Variants in RTCB observed in about 807,000 individuals in gnomAD.
RTCB encodes RNA-splicing ligase RTCB.
Under a neutral mutation model 58.2 loss-of-function variants are expected in RTCB, and 32 were observed. The ratio of observed to expected loss-of-function variants is 0.55; its 90% confidence interval spans 0.41 to 0.74. The LOEUF (loss-of-function observed/expected upper bound fraction) is 0.74, where lower values mean the gene tolerates loss of function less well. Ranked by LOEUF, RTCB falls within the 30% of genes least tolerant of loss-of-function variation. RTCB has a pLI of 0.00. For synonymous variants in RTCB, 247 were observed against 218.6 expected, an observed-to-expected ratio of 1.13 and a Z score of -1.15; for missense variants, 523 against 639.0, an observed-to-expected ratio of 0.82 and a Z score of 1.96.
chr22:32,405,701 T>A (rs1229156419), intron 4 of RTCB, among the ~76,000 whole-genome samples: 1 of 152,212 alleles, frequency 6.6e-6, no homozygotes, highest in East Asian at 1.9e-4. Context: ...CAAACAGATT[T>A]AAGAAAAAAT....
intron 9 of RTCB, 126 bp from the exon 10 acceptor site, chr22:32,394,128 TGAGA>T: frequency 1.7e-6 from 1 of 593,582 alleles, no homozygotes; most frequent in African/African-American, 2.0e-5. Flanking sequence ...TTTTTTTTTT[TGAGA>T]TGGGAGTCTT....
intron 5 of RTCB, among the ~76,000 whole-genome samples, chr22:32,400,892 C>T (rs538831690): frequency 5.5e-4 from 84 of 152,176 alleles, no homozygotes; most frequent in African/African-American, 1.8e-3. Context: ...AGCTATGACA[C>T]GGTAAAATCT....
chr22:32,406,400 G>A (rs906496967), intron 4 of RTCB, among the ~76,000 whole-genome samples: 2 of 151,994 alleles, frequency 1.3e-5, no homozygotes, highest in African/African-American at 4.8e-5. Context: ...TCGGCTCACT[G>A]CAACCTCCGC....
intron 1 of RTCB, 83 bp downstream of exon 1, chr22:32,411,979 CAG>C (rs1933534022): frequency 4.1e-6 from 4 of 986,850 alleles, no homozygotes; most frequent in Non-Finnish European, 6.1e-6. Flanking sequence ...ACCCAGTGGT[CAG>C]GGGAGGTCCA....
chr22:32,408,979 T>TA, intron 1 of RTCB, 146 bp from the exon 2 acceptor site: 1 of 616,096 alleles, frequency 1.6e-6, no homozygotes, highest in East Asian at 2.8e-5. Flanking sequence ...GAAAACTTCC[T>TA]ATCAAAGACT....
chr22:32,394,776 A>C (rs1933215685), intron 9 of RTCB, among the ~76,000 whole-genome samples: 1 of 152,144 alleles, frequency 6.6e-6, no homozygotes, highest in Non-Finnish European at 1.5e-5. Context: ...ACTAATTCAA[A>C]GGCCTCAATT....
intron 11 of RTCB, among the ~76,000 whole-genome samples, chr22:32,389,116 T>C (rs1344421152): frequency 6.6e-6 from 1 of 152,158 alleles, no homozygotes; most frequent in Non-Finnish European, 1.5e-5. Flanking sequence ...AGTCATTACA[T>C]CGTACCACAA....
intron 9 of RTCB, among the ~76,000 whole-genome samples, chr22:32,394,744 A>C: frequency 6.6e-6 from 1 of 152,132 alleles, no homozygotes; most frequent in South Asian, 2.1e-4. Context: ...TGTCTTCTGT[A>C]ACTGAGTTAC....
Position 32,388,021 on chromosome 22 carries a change from G to T in RTCB, c.1489C>A (p.Leu497Met). The T allele has an allele frequency of 6.2e-7, 1 of 1,613,900 alleles. No individual in the cohort carries two copies. The highest frequency in any genetic ancestry group is 1.3e-5 in the African/African-American group (1 of 75,050). Residue 497 changes from leucine to methionine, a missense_variant, in exon 12 of 12, where the codon CTG becomes ATG. This residue lies in a region of RTCB where 248 missense variants were observed against 292.5 expected (regional missense o/e 0.85). Coordinates refer to ENST00000216038, the MANE Select transcript of RTCB (RefSeq NM_014306.5). The part of the protein sequence containing the change: ...DAGISKKAIK[L>M]RPIAVIKG The stretch of plus-strand genomic sequence containing the variant: ...CCTTTGATCACAGCAATTGGTCTCA[G>T]TTTAATGGCTTTCTTGCTGATTCCA...
intron 10 of RTCB, 171 bp from the exon 11 acceptor site, chr22:32,392,530 T>G (rs1456846710): frequency 1.1e-6 from 1 of 878,448 alleles, no homozygotes; most frequent in Non-Finnish European, 1.8e-6. Context: ...ACCGGAGAAT[T>G]CTTTGTTGGG....
chr22:32,392,170 C>T (rs1933163825), intron 11 of RTCB, 70 bp downstream of exon 11: 3 of 1,499,946 alleles, frequency 2.0e-6, no homozygotes, highest in Non-Finnish European at 2.7e-6. Flanking sequence ...AAATTGCTGT[C>T]TCTGTAGACT....
chr22:32,400,268 A>G (rs1411854002), intron 5 of RTCB, among the ~76,000 whole-genome samples: 1 of 152,208 alleles, frequency 6.6e-6, no homozygotes, highest in Non-Finnish European at 1.5e-5. Context: ...CTGTTTTCCC[A>G]TCTTCACAGA....
At chr22:32,407,417 T>C (rs1323181305) in intron 3 of RTCB, 1 of 152,752 alleles carries the variant, frequency 6.5e-6, no homozygotes, top group East Asian at 1.9e-4. Flanking sequence ...TCTGATAGAA[T>C]ATGAATGTTA....
chr22:32,404,755 G>A (rs1018859196), intron 4 of RTCB, among the ~76,000 whole-genome samples: 2 of 151,970 alleles, frequency 1.3e-5, no homozygotes, highest in African/African-American at 2.4e-5. Flanking sequence ...CTCAGCTCAC[G>A]GCAACCTCTG....
At chr22:32,404,928 C>T (rs1317237745) in intron 4 of RTCB, among the ~76,000 whole-genome samples, 1 of 151,980 alleles carries the variant, frequency 6.6e-6, no homozygotes, top group African/African-American at 2.4e-5. Flanking sequence ...CTCAAGCCAT[C>T]CGCCCGCCTT....
chr22:32,401,011 T>C (rs1933326988), intron 5 of RTCB, among the ~76,000 whole-genome samples: 1 of 151,786 alleles, frequency 6.6e-6, no homozygotes, highest in South Asian at 2.1e-4. Context: ...ATAGGCTTAA[T>C]GACAAAAGGC....
At chr22:32,391,272 A>G (rs1216193579) in intron 11 of RTCB, among the ~76,000 whole-genome samples, 2 of 152,254 alleles carry the variant, frequency 1.3e-5, no homozygotes, top group African/African-American at 2.4e-5. Flanking sequence ...TGATTTTAAA[A>G]AGTGACACAA....
At chr22:32,410,840 T>C (rs1052748998) in intron 1 of RTCB, among the ~76,000 whole-genome samples, 5 of 151,910 alleles carry the variant, frequency 3.3e-5, no homozygotes, top group African/African-American at 4.8e-5. Context: ...CTCAGCCTCC[T>C]GAGTAGCTGT....
intron 4 of RTCB, among the ~76,000 whole-genome samples, chr22:32,402,839 G>A (rs745336939): frequency 1.4e-4 from 21 of 151,982 alleles, no homozygotes; most frequent in South Asian, 6.2e-4. Flanking sequence ...TCGACTTCCC[G>A]GCTCCAGCAA....
Sources: gnomAD v4.1 joint callset for allele counts (sites outside exome capture counted in the v4.1 genomes callset) on GRCh38, gnomAD v4.1.1 for gene constraint, gnomAD v4.1.1 regional missense constraint, MANE v1.5 for transcripts, NCBI Gene and HGNC (gene_info 2026-07-23, HGNC 2026-07-21) for gene names.